SORCS1: variants seen among roughly 807,000 people sequenced by gnomAD.
The protein encoded by SORCS1 is VPS10 domain-containing receptor SorCS1.
A neutral mutation model predicts 146.1 loss-of-function variants in SORCS1; 60 were observed. The ratio of observed to expected loss-of-function variants is 0.41; its 90% confidence interval spans 0.33 to 0.51. The LOEUF is 0.51. SORCS1 is among the 20% of genes least tolerant of loss of function. SORCS1 has a pLI of 0.21. For synonymous variants in SORCS1, 637 were observed against 584.0 expected (o/e 1.09, Z -1.31); for missense variants, 1,352 against 1,487.6 (o/e 0.91, Z 1.50).
intron 6 of SORCS1, among the ~76,000 whole-genome samples, chr10:106,727,611 C>T (rs750074304): frequency 2.5e-4 from 38 of 151,394 alleles, no homozygotes; most frequent in Non-Finnish European, 3.1e-4. Context: ...CGAATAAACA[C>T]GTAAAAAGAA....
chr10:106,877,629 C>A (rs1309106628), intron 2 of SORCS1, among the ~76,000 whole-genome samples: 1 of 152,116 alleles, frequency 6.6e-6, no homozygotes, highest in African/African-American at 2.4e-5. Flanking sequence ...ACCTACGTAT[C>A]TAGGATTTGT....
intron 4 of SORCS1, among the ~76,000 whole-genome samples, chr10:106,769,202 T>C (rs556477882): frequency 6.6e-6 from 1 of 152,196 alleles, no homozygotes; most frequent in South Asian, 2.1e-4. Context: ...AAAGGAACAA[T>C]TGGCTGGGAG....
chr10:106,710,060 C>T (rs942757595), intron 6 of SORCS1, among the ~76,000 whole-genome samples: 1 of 152,182 alleles, frequency 6.6e-6, no homozygotes, highest in Non-Finnish European at 1.5e-5. Flanking sequence ...GGAAAACACA[C>T]ATACATCTAA....
intron 4 of SORCS1, among the ~76,000 whole-genome samples, chr10:106,762,386 CTTTTTTTTTTTT>C (rs869195563): frequency 4.1e-5 from 3 of 73,828 alleles, no homozygotes; most frequent in Non-Finnish European, 2.4e-5. Flanking sequence ...TTTTATTATT[CTTTTTTTTTTTT>C]TTTTTTTTTT....
chr10:106,993,814 C>CT lies in SORCS1; in HGVS notation c.559-37235dup, dbSNP rs538574160. On this transcript the variant is annotated intron_variant, in intron 1 of 25. Coordinates refer to ENST00000263054, the MANE Select transcript of SORCS1 (RefSeq NM_052918.5). ...TGAGGCCAGGTGCCGTAGTTCATGC[C>CT]TGTAATCCCTACACTTTGGGAGGCT... is the stretch of plus-strand genomic sequence containing the variant. Among the ~76,000 whole-genome samples, 284 of 152,130 alleles carry CT rather than the reference C, an allele frequency of 1.9e-3. 3 individuals carry two copies. The highest frequency in any genetic ancestry group is 1.3e-3 in the Non-Finnish European group (91 of 67,998).
At chr10:106,860,973 A>G (rs1300634511) in intron 2 of SORCS1, among the ~76,000 whole-genome samples, 1 of 152,224 alleles carries the variant, frequency 6.6e-6, no homozygotes, top group Non-Finnish European at 1.5e-5. Context: ...TGGCATACAT[A>G]CACACGTCCT....
intron 24 of SORCS1, among the ~76,000 whole-genome samples, chr10:106,595,579 A>G (rs1434411932): frequency 6.6e-6 from 1 of 152,222 alleles, no homozygotes; most frequent in Non-Finnish European, 1.5e-5. Flanking sequence ...CAACAAGAGC[A>G]ATAAAATATT....
At chr10:106,975,857 C>T (rs560847321) in intron 1 of SORCS1, among the ~76,000 whole-genome samples, 5 of 152,230 alleles carry the variant, frequency 3.3e-5, no homozygotes, top group African/African-American at 1.2e-4. Flanking sequence ...AGTTAAAAGG[C>T]CATCTCCTGG....
chr10:106,676,616 T>A lies in SORCS1; in HGVS notation c.1832+697A>T, dbSNP rs930399788. Among the ~76,000 whole-genome samples the A allele has an allele frequency of 2.6e-5, 4 of 152,142 alleles. No homozygotes were observed. In the East Asian group the frequency reaches 7.7e-4, roughly 29 times the overall value. On this transcript the variant is annotated intron_variant, in intron 13 of 25. Transcript: ENST00000263054. ...AAAGTATAATGCAATTTCTCTCTCATGGAGTAAAACTCTCCCTCTCTCTCT... is the reference window on the plus strand; with the variant it reads ...AAAGTATAATGCAATTTCTCTCTCAAGGAGTAAAACTCTCCCTCTCTCTCT...
At chr10:107,118,978 A>G (rs903849110) in intron 1 of SORCS1, among the ~76,000 whole-genome samples, 94 of 152,284 alleles carry the variant, frequency 6.2e-4, no homozygotes, top group African/African-American at 2.1e-3. Flanking sequence ...CCTGAGTGAT[A>G]ACTATGCAGA....
intron 1 of SORCS1, among the ~76,000 whole-genome samples, chr10:106,992,445 A>C (rs912608027): frequency 6.6e-6 from 1 of 151,620 alleles, no homozygotes; most frequent in Admixed American, 6.6e-5. Flanking sequence ...CTAATGATCT[A>C]TATTGCAGAC....
chr10:106,883,660 G>A (rs1042088186), intron 2 of SORCS1, among the ~76,000 whole-genome samples: 18 of 152,122 alleles, frequency 1.2e-4, no homozygotes, highest in African/African-American at 2.7e-4. Context: ...TGATCCACCC[G>A]CCTCAGCCTC....
chr10:106,809,701 T>C (rs1294777181), intron 3 of SORCS1, among the ~76,000 whole-genome samples: 1 of 152,130 alleles, frequency 6.6e-6, no homozygotes, highest in Non-Finnish European at 1.5e-5. Flanking sequence ...ATCTCCAGAA[T>C]CTGTTTGTAG....
At chr10:106,831,066 G>A (rs758900401) in intron 2 of SORCS1, among the ~76,000 whole-genome samples, 7 of 151,962 alleles carry the variant, frequency 4.6e-5, no homozygotes, top group African/African-American at 7.3e-5. Context: ...GGTGGCAGTC[G>A]TCTATAATCC....
intron 3 of SORCS1, among the ~76,000 whole-genome samples, chr10:106,785,550 T>C (rs983121795): frequency 6.6e-6 from 1 of 152,204 alleles, no homozygotes; most frequent in Non-Finnish European, 1.5e-5. Flanking sequence ...GAGGGAATTT[T>C]TTCCCTTTCC....
intron 10 of SORCS1, among the ~76,000 whole-genome samples, chr10:106,680,023 A>G (rs1160313586): frequency 6.6e-6 from 1 of 152,208 alleles, no homozygotes; most frequent in East Asian, 1.9e-4. Context: ...AGAGGGCATG[A>G]GATCCTTCCA....
intron 1 of SORCS1, among the ~76,000 whole-genome samples, chr10:107,027,482 C>T (rs1020876640): frequency 2.0e-5 from 3 of 152,138 alleles, no homozygotes; most frequent in South Asian, 2.1e-4. Flanking sequence ...AGCGTGGCAG[C>T]GTGACATTAT....
intron 1 of SORCS1, among the ~76,000 whole-genome samples, chr10:106,984,411 T>TTTTTTG (rs1956368468): frequency 6.8e-6 from 1 of 147,940 alleles, no homozygotes; most frequent in Admixed American, 6.7e-5. Context: ...TTTTTTTTTT[T>TTTTTTG]GAGACAGAGT....
chr10:106,629,761 C>T (rs1848325278), intron 18 of SORCS1, among the ~76,000 whole-genome samples: 1 of 152,140 alleles, frequency 6.6e-6, no homozygotes, highest in Non-Finnish European at 1.5e-5. Flanking sequence ...TTTAGCTTAC[C>T]TGGGTCAGGC....
Sources: gnomAD v4.1 joint callset for allele counts (sites outside exome capture counted in the v4.1 genomes callset) on GRCh38, gnomAD v4.1.1 for gene constraint, MANE v1.5 for transcripts, NCBI Gene and HGNC (gene_info 2026-07-23, HGNC 2026-07-21) for gene names.